TGFBRAP1: variants seen among roughly 807,000 people sequenced by gnomAD.
TGFBRAP1 encodes transforming growth factor-beta receptor-associated protein 1.
TGFBRAP1 carries 20 observed loss-of-function variants against 83.2 expected under a neutral mutation model. The observed-to-expected ratio is 0.24, with a 90% confidence interval of 0.17 to 0.35. The LOEUF is 0.35. Ranked by LOEUF, TGFBRAP1 falls within the 10% of genes least tolerant of loss-of-function variation. The pLI is 1.00. For missense variants in TGFBRAP1, 950 were observed against 1,099.4 expected (o/e 0.86, Z 1.92); for synonymous variants, 415 against 459.8 (o/e 0.90, Z 1.25).
intron 1 of TGFBRAP1, among the ~76,000 whole-genome samples, chr2:105,316,564 C>T (rs1009910916): frequency 2.7e-5 from 4 of 149,800 alleles, no homozygotes; most frequent in Admixed American, 1.3e-4. Flanking sequence ...CCTGTAATCC[C>T]AGCACTTTGG....
At chr2:105,295,569 T>C (rs1380725078) in intron 4 of TGFBRAP1, among the ~76,000 whole-genome samples, 2 of 152,170 alleles carry the variant, frequency 1.3e-5, no homozygotes, top group Middle Eastern at 3.4e-3. Context: ...TCTCAGCACT[T>C]TGGGAGGCGG....
In TGFBRAP1 at chr2:105,265,976, G is replaced by A. The variant is rs1013906203; in HGVS notation, c.*1407C>T. On this transcript the variant is annotated 3_prime_UTR_variant, in exon 12 of 12. Transcript: ENST00000393359. ...TATTCAGGGTCCTCTCTTGTCATATGTACAAGCTGACGCTTGTTTCCCAAG... is the reference window on the plus strand; with the variant it reads ...TATTCAGGGTCCTCTCTTGTCATATATACAAGCTGACGCTTGTTTCCCAAG... The A allele has an allele frequency of 1.3e-5, 2 of 152,274 alleles. No individual in the cohort carries two copies. Among genetic ancestry groups the A allele is most frequent in the Non-Finnish European group, 2.9e-5 (2 of 68,056 alleles). The allele number at this position is 152,274 out of a possible 1,614,324, so 9.4% of individuals were successfully genotyped here. A position where few individuals can be genotyped will look rare whatever the true frequency, so the allele number is the denominator to read the frequency against.
At chr2:105,316,117 A>T (rs926577603) in intron 1 of TGFBRAP1, among the ~76,000 whole-genome samples, 2 of 152,200 alleles carry the variant, frequency 1.3e-5, no homozygotes, top group African/African-American at 4.8e-5. Context: ...CTGAAGTTCA[A>T]AAGTAGGCCA....
rs1677236449 is a variant in TGFBRAP1, at chr2:105,273,656, T to C, written c.1700A>G (p.Asp567Gly). 1 of 1,614,088 alleles carries C rather than the reference T, an allele frequency of 6.2e-7. No individual in the cohort carries two copies. Among genetic ancestry groups the C allele is most frequent in the African/African-American group, 1.3e-5 (1 of 74,922 alleles). ...GVQVFTKRPL[D>G]EQQKNSFNPD... is the part of the protein sequence containing the mutation. ...ATTAAAACTGTTCTTCTGCTGTTCA[T>C]CCAAAGGTCTCTTGGTGAAAACCTG... Residue 567 changes from aspartate (D) to glycine (G), a missense_variant, in exon 9 of 12, where the codon GAT (aspartate) becomes GGT (glycine). Transcript: ENST00000393359.
At position 105,298,671 on chromosome 2, in the gene TGFBRAP1, G is replaced by A. The variant is rs12476720; in HGVS notation, c.723C>T (p.Arg241=). The A allele has an allele frequency of 0.16, 258,850 of 1,599,740 alleles. 26,492 individuals are homozygous for A. The highest frequency in any genetic ancestry group is 0.53 in the East Asian group (23,752 of 44,436). ...CATTCTCCGACCAGTGCACGGGGGC[G>A]CGCTGGGATATCCCTGCGACTGTGG... ...MFATVAGISQ[R]APVHWSENVI... Residue 241 remains arginine (R), a synonymous_variant, in exon 3 of 12, where the codon CGC becomes CGT. Coordinates refer to ENST00000393359, the MANE Select transcript of TGFBRAP1 (RefSeq NM_004257.6).
intron 4 of TGFBRAP1, 100 bp downstream of exon 4, chr2:105,296,256 C>T (rs1678085029): frequency 1.4e-6 from 2 of 1,416,978 alleles, no homozygotes. Context: ...GCAGTGTGTA[C>T]AGCCCGGTAC....
intron 1 of TGFBRAP1, among the ~76,000 whole-genome samples, chr2:105,316,153 G>C (rs1333951943): frequency 2.0e-5 from 3 of 152,104 alleles, no homozygotes; most frequent in Non-Finnish European, 4.4e-5. Flanking sequence ...ACAGAAATCA[G>C]AACAGTGTTT....
chr2:105,280,417 C>A lies in TGFBRAP1; in HGVS notation c.1428G>T (p.Leu476=). The change falls in exon 6 of 12, where the codon CTG becomes CTT. Residue 476 remains leucine (L), a synonymous_variant. Transcript: ENST00000393359. ...DLLVTENFCL[L]TDSAAWLEKH... Reference sequence around the variant, plus strand: ...TCTCTAGCCAGGCAGCACTGTCCGTCAGAAGACAGAAGTTCTCAGTGACCA... The same window carrying A: ...TCTCTAGCCAGGCAGCACTGTCCGTAAGAAGACAGAAGTTCTCAGTGACCA... The A allele has an allele frequency of 6.2e-7, 1 of 1,614,104 alleles. No homozygotes were observed. The highest frequency in any genetic ancestry group is 8.5e-7 in the Non-Finnish European group (1 of 1,180,022).
At chr2:105,258,816 C>A in the TGFBRAP1 span, among the ~76,000 whole-genome samples, 3 of 152,088 alleles carry the variant, frequency 2.0e-5, no homozygotes, top group Admixed American at 6.6e-5. Context: ...CTCTGGAGAA[C>A]CCTGCCTGTT....
chr2:105,305,728 G>A (rs12468559), intron 2 of TGFBRAP1, among the ~76,000 whole-genome samples: 30,520 of 151,990 alleles, frequency 0.2, 3,791 homozygotes, highest in East Asian at 0.55. Flanking sequence ...GCAGTGGCAC[G>A]ATCTCAGCTC....
At chr2:105,286,477 A>C (rs934546376) in intron 4 of TGFBRAP1, among the ~76,000 whole-genome samples, 2 of 152,216 alleles carry the variant, frequency 1.3e-5, no homozygotes, top group African/African-American at 4.8e-5. Flanking sequence ...CAGGGAAAAG[A>C]CGAAAAGGAT....
At chr2:105,258,787 TCTC>T in the TGFBRAP1 span, among the ~76,000 whole-genome samples, 3 of 151,298 alleles carry the variant, frequency 2.0e-5, no homozygotes, top group South Asian at 6.2e-4. Flanking sequence ...TCTCTCTCTC[TCTC>T]CTATTGGTTC....
chr2:105,276,873 A>G (rs566193298), intron 7 of TGFBRAP1, among the ~76,000 whole-genome samples: 2 of 152,220 alleles, frequency 1.3e-5, no homozygotes, highest in Non-Finnish European at 2.9e-5. Context: ...TGCCAGAGTC[A>G]TGAGGTTAAC....
chr2:105,273,058 A>G, intron 9 of TGFBRAP1, 44 bp from the exon 10 acceptor site: 1 of 1,594,438 alleles, frequency 6.3e-7, no homozygotes, highest in East Asian at 2.2e-5. Flanking sequence ...AGTGTTTTCA[A>G]GTGGGAAAGT....
intron 1 of TGFBRAP1, among the ~76,000 whole-genome samples, chr2:105,328,795 T>G (rs1242132354): frequency 2.6e-5 from 4 of 152,242 alleles, no homozygotes; most frequent in Non-Finnish European, 5.9e-5. Context: ...CTGTGTGATC[T>G]GTGAGCCCCC....
At chr2:105,303,576 A>T (rs1393967517) in intron 2 of TGFBRAP1, among the ~76,000 whole-genome samples, 1 of 152,242 alleles carries the variant, frequency 6.6e-6, no homozygotes, top group Non-Finnish European at 1.5e-5. Context: ...CCACGAGTTT[A>T]TAATGATACT....
intron 9 of TGFBRAP1, 111 bp from the exon 10 acceptor site, chr2:105,273,125 G>A: frequency 7.4e-7 from 1 of 1,346,076 alleles, no homozygotes; most frequent in Admixed American, 2.3e-5. Context: ...GACATGAGCT[G>A]GGCAGATGCT....
rs1028954673 is a variant in TGFBRAP1, at chr2:105,265,614, T to C, written c.*1769A>G. ...AACTCAAACTCACAAGTTGTCATGA[T>C]AACATATGCAGTAATATGACCATTC... is the stretch of plus-strand genomic sequence containing the variant. On this transcript the variant is annotated 3_prime_UTR_variant, in exon 12 of 12. Transcript: ENST00000393359. The C allele has an allele frequency of 2.6e-5, 4 of 152,824 alleles. No individual in the cohort carries two copies. In the South Asian group the frequency reaches 8.3e-4, roughly 32 times the overall value. 9.5% of individuals were successfully genotyped at this position (152,824 alleles called of 1,614,324 possible).
downstream of TGFBRAP1, among the ~76,000 whole-genome samples, chr2:105,263,392 AAGCCCCAGGTGGGAGGACCTGCAGGTGGG>A (rs1676834535): frequency 2.0e-5 from 3 of 152,224 alleles, no homozygotes; most frequent in African/African-American, 7.2e-5. Context: ...ATGGTTGGTG[AAGCCCCAGGTGGGAGGACCTGCAGGTGGG>A]AGCCACAGAT....
Sources: gnomAD v4.1 joint callset for allele counts (sites outside exome capture counted in the v4.1 genomes callset) on GRCh38, gnomAD v4.1.1 for gene constraint, MANE v1.5 for transcripts, NCBI Gene and HGNC (gene_info 2026-07-23, HGNC 2026-07-21) for gene names.